Variants in SLC9B1 observed in about 807,000 individuals in gnomAD.
SLC9B1 encodes solute carrier family 9 member B1.
A neutral mutation model predicts 51.7 loss-of-function variants in SLC9B1; 32 were observed. The observed-to-expected ratio is 0.62, with a 90% CI of 0.47 to 0.83. The LOEUF is 0.83. Ranked by LOEUF, SLC9B1 falls within the 40% of genes least tolerant of loss-of-function variation. SLC9B1 has a pLI of 0.00. For synonymous variants in SLC9B1, 145 were observed against 212.7 expected (o/e 0.68, Z 2.77); for missense variants, 406 against 613.2 (o/e 0.66, Z 3.57).
rs147176040 is a variant in SLC9B1, at chr4:102,941,895, T to C, written c.653+3298A>G. Among the ~76,000 whole-genome samples the C allele has an allele frequency of 4.1e-3, 625 of 152,184 alleles. 1 individual carries two copies. The highest frequency in any genetic ancestry group is 0.014 in the Middle Eastern group (4 of 294). On this transcript the variant is annotated intron_variant, in intron 6 of 11. Coordinates refer to ENST00000296422, the MANE Select transcript of SLC9B1 (RefSeq NM_139173.4). ...TGCTATTCATGATTATATGATCATA[T>C]AATGAGAAAACCCTAAAGACTCATC...
At chr4:102,905,271 A>T (rs1734987210) in intron 11 of SLC9B1, among the ~76,000 whole-genome samples, 1 of 144,932 alleles carries the variant, frequency 6.9e-6, no homozygotes, top group Non-Finnish European at 1.5e-5. Flanking sequence ...CCCAGACTGG[A>T]ATACAGTGGT....
At chr4:102,983,817 C>G (rs1200663572) in intron 3 of SLC9B1, among the ~76,000 whole-genome samples, 1 of 152,044 alleles carries the variant, frequency 6.6e-6, no homozygotes, top group African/African-American at 2.4e-5. Context: ...TTGTGTTGAT[C>G]TTTTCAAAGA....
Position 102,962,164 on chromosome 4 carries a change from A to G in SLC9B1, c.212-12737T>C, listed in dbSNP as rs1277767720. ...TTGGCTATGCAGGCAACACTGAGCCATAGTTTACTATTCTTTCTTGCATTT... is the reference window on the plus strand; with the variant it reads ...TTGGCTATGCAGGCAACACTGAGCCGTAGTTTACTATTCTTTCTTGCATTT... On this transcript the variant is annotated intron_variant, in intron 3 of 11. Coordinates refer to ENST00000296422, the MANE Select transcript of SLC9B1 (RefSeq NM_139173.4). The G allele has an allele frequency of 2.9e-5, 14 of 486,470 alleles. No homozygotes were observed. The Admixed American group carries it at 3.0e-4, about 11-fold the overall frequency. The allele number at this position is 486,470 out of a possible 1,614,324, so 30.1% of individuals were successfully genotyped here. A position where few individuals can be genotyped will look rare whatever the true frequency, so the allele number is the denominator to read the frequency against.
chr4:102,938,034 T>C, intron 6 of SLC9B1, among the ~76,000 whole-genome samples: 1 of 152,118 alleles, frequency 6.6e-6, no homozygotes, highest in East Asian at 1.9e-4. Context: ...CAATATTAAC[T>C]GTGAATGTAA....
chr4:102,889,044 T>C (rs974462784), intron 11 of SLC9B1: 3 of 152,260 alleles, frequency 2.0e-5, no homozygotes, highest in Non-Finnish European at 2.9e-5. Flanking sequence ...GACACTACAC[T>C]AAGCATGGTA....
At chr4:102,969,391 G>T (rs1283497592) in intron 3 of SLC9B1, among the ~76,000 whole-genome samples, 4 of 152,214 alleles carry the variant, frequency 2.6e-5, no homozygotes, top group Admixed American at 6.5e-5. Flanking sequence ...CAGACCTGCA[G>T]CTGAGGGTAC....
intron 1 of SLC9B1, among the ~76,000 whole-genome samples, chr4:102,994,943 TG>T (rs1204433298): frequency 6.6e-6 from 1 of 152,060 alleles, no homozygotes; most frequent in African/African-American, 2.4e-5. Flanking sequence ...GAAATTTGGG[TG>T]GGGACACAGA....
chr4:102,943,537 A>ACACC (rs369522217), intron 6 of SLC9B1, among the ~76,000 whole-genome samples: 2 of 151,544 alleles, frequency 1.3e-5, no homozygotes, highest in African/African-American at 4.9e-5. Flanking sequence ...ACACACACAC[A>ACACC]CCATCGACAG....
intron 3 of SLC9B1, among the ~76,000 whole-genome samples, chr4:102,963,508 G>A (rs1578384793): frequency 6.7e-6 from 1 of 149,062 alleles, no homozygotes; most frequent in Non-Finnish European, 1.5e-5. Context: ...ATTTCTTTAT[G>A]TGTTGACTGT....
At chr4:102,914,511 C>T (rs1383325273) in intron 7 of SLC9B1, among the ~76,000 whole-genome samples, 9 of 152,004 alleles carry the variant, frequency 5.9e-5, no homozygotes, top group Non-Finnish European at 8.8e-5. Context: ...TTAGTTCATC[C>T]GACTGCCAGG....
chr4:102,906,939 G>A (rs1030922957), intron 9 of SLC9B1, among the ~76,000 whole-genome samples: 5 of 152,076 alleles, frequency 3.3e-5, no homozygotes, highest in African/African-American at 1.2e-4. Context: ...GCCCAGGATG[G>A]TCTAGAACTC....
chr4:102,996,668 T>C (rs1307281107), intron 1 of SLC9B1, among the ~76,000 whole-genome samples: 1 of 152,198 alleles, frequency 6.6e-6, no homozygotes, highest in East Asian at 1.9e-4. Context: ...CTCTATACAT[T>C]GTATTGCAAT....
intron 1 of SLC9B1, chr4:103,017,062 T>C (rs571340279): frequency 6.6e-6 from 1 of 152,278 alleles, no homozygotes; most frequent in South Asian, 2.1e-4. Context: ...TTTTCTTCCT[T>C]AGTCTTTTCC....
chr4:102,922,247 A>G (rs947347744), intron 7 of SLC9B1, among the ~76,000 whole-genome samples: 1 of 152,258 alleles, frequency 6.6e-6, no homozygotes. Context: ...AGAACTTAGG[A>G]TTAAGAAGCT....
chr4:102,921,265 T>C (rs1236162120), intron 7 of SLC9B1, among the ~76,000 whole-genome samples: 1 of 152,162 alleles, frequency 6.6e-6, no homozygotes, highest in African/African-American at 2.4e-5. Context: ...TTCAACACTC[T>C]TAAAGAAAAG....
chr4:102,910,197 AATATTATAT>A (rs1735272735), intron 9 of SLC9B1, among the ~76,000 whole-genome samples: 1 of 152,108 alleles, frequency 6.6e-6, no homozygotes, highest in Non-Finnish European at 1.5e-5. Flanking sequence ...GTAATATAAT[AATATTATAT>A]AAAACTTGGG....
intron 3 of SLC9B1, among the ~76,000 whole-genome samples, chr4:102,969,601 T>G (rs1738637812): frequency 6.6e-6 from 1 of 152,136 alleles, no homozygotes; most frequent in Non-Finnish European, 1.5e-5. Context: ...TCGGAGCTCC[T>G]CGCCAGCAAT....
At chr4:102,962,287 T>C in intron 3 of SLC9B1, 4 of 539,888 alleles carry the variant, frequency 7.4e-6, no homozygotes, top group South Asian at 5.5e-5. Flanking sequence ...AAGCCATTGA[T>C]AAATCTATGT....
At chr4:102,927,924 A>G (rs1736266952) in intron 7 of SLC9B1, among the ~76,000 whole-genome samples, 2 of 152,192 alleles carry the variant, frequency 1.3e-5, no homozygotes, top group South Asian at 4.1e-4. Flanking sequence ...TGTCCTTTGC[A>G]GGGAGATAGA....
Sources: allele counts gnomAD v4.1 joint callset (sites outside exome capture counted in the v4.1 genomes callset), GRCh38; gene constraint gnomAD v4.1.1; transcripts MANE v1.5; gene names NCBI Gene and HGNC (gene_info 2026-07-23, HGNC 2026-07-21).